HPSE2: variants seen among roughly 807,000 people sequenced by gnomAD.
HPSE2 encodes the protein inactive heparanase-2.
A neutral mutation model predicts 60.5 loss-of-function variants in HPSE2; 38 were observed. The ratio of observed to expected loss-of-function variants is 0.63; its 90% CI spans 0.48 to 0.82. HPSE2 has a LOEUF of 0.82. Among genes scored for constraint, HPSE2 ranks in the 40% least tolerant of loss-of-function variants. The pLI, the probability that HPSE2 is intolerant of heterozygous loss-of-function variation, is 0.00. For synonymous variants in HPSE2, 295 were observed against 293.2 expected (o/e 1.01, Z -0.06); for missense variants, 713 against 740.4 (o/e 0.96, Z 0.43).
At chr10:98,945,003 T>A (rs1955136894) in intron 3 of HPSE2, among the ~76,000 whole-genome samples, 1 of 152,142 alleles carries the variant, frequency 6.6e-6, no homozygotes, top group African/African-American at 2.4e-5. Context: ...TGTTTTGCTG[T>A]CACGCCACAA....
intron 5 of HPSE2, among the ~76,000 whole-genome samples, chr10:98,697,366 A>G (rs1274510846): frequency 6.6e-6 from 1 of 152,242 alleles, no homozygotes; most frequent in African/African-American, 2.4e-5. Context: ...AGTATACACA[A>G]GCATCAACAG....
At chr10:99,268,262 C>A in the HPSE2 span, among the ~76,000 whole-genome samples, 2 of 152,186 alleles carry the variant, frequency 1.3e-5, no homozygotes, top group Non-Finnish European at 2.9e-5. Context: ...GAATTTGCCA[C>A]TACCAACCCA....
intron 5 of HPSE2, among the ~76,000 whole-genome samples, chr10:98,695,414 G>A (rs1948186126): frequency 6.6e-6 from 1 of 152,194 alleles, no homozygotes; most frequent in Non-Finnish European, 1.5e-5. Context: ...GGGAATGATC[G>A]AGGAATAGAA....
chr10:98,544,775 G>C (rs1291140504), intron 9 of HPSE2, among the ~76,000 whole-genome samples: 1 of 145,702 alleles, frequency 6.9e-6, no homozygotes, highest in Admixed American at 6.8e-5. Context: ...ACATTCAAAA[G>C]CTAGCAGAAC....
intron 9 of HPSE2, among the ~76,000 whole-genome samples, chr10:98,609,593 A>C (rs1244932679): frequency 6.6e-6 from 1 of 152,204 alleles, no homozygotes; most frequent in Non-Finnish European, 1.5e-5. Context: ...AATTTTCTAC[A>C]TGTATGTATA....
chr10:98,538,797 A>G (rs1013221198), intron 9 of HPSE2, among the ~76,000 whole-genome samples: 2 of 152,184 alleles, frequency 1.3e-5, no homozygotes, highest in Non-Finnish European at 2.9e-5. Context: ...TCATCTCTAG[A>G]GAACTGCTTG....
intron 2 of HPSE2, among the ~76,000 whole-genome samples, chr10:99,205,354 T>A (rs1294145782): frequency 6.6e-6 from 1 of 152,130 alleles, no homozygotes; most frequent in Non-Finnish European, 1.5e-5. Flanking sequence ...TTTGGGAGGC[T>A]GAGGCGAGTG....
upstream of HPSE2, among the ~76,000 whole-genome samples, chr10:99,238,823 G>A (rs137873800): frequency 3.3e-3 from 505 of 152,200 alleles, 1 homozygote; most frequent in African/African-American, 0.011. Flanking sequence ...TTTTGTCTTA[G>A]ATTGTAACTT....
chr10:98,996,238 T>C (rs575351197), intron 3 of HPSE2, among the ~76,000 whole-genome samples: 1 of 152,252 alleles, frequency 6.6e-6, no homozygotes, highest in East Asian at 1.9e-4. Context: ...TGAGTGAAGG[T>C]TTATGGGAAC....
chr10:98,547,503 T>G (rs565312667), intron 9 of HPSE2, among the ~76,000 whole-genome samples: 2 of 148,244 alleles, frequency 1.3e-5, no homozygotes, highest in South Asian at 4.5e-4. Context: ...ATGTCCTTTG[T>G]AGGGACATGG....
chr10:99,114,436 A>C (rs1844591867), intron 3 of HPSE2, among the ~76,000 whole-genome samples: 1 of 152,218 alleles, frequency 6.6e-6, no homozygotes, highest in African/African-American at 2.4e-5. Flanking sequence ...AATGAATTCA[A>C]AGGACTTCTT....
chr10:99,199,940 G>A (rs993419978), intron 2 of HPSE2, among the ~76,000 whole-genome samples: 1 of 152,100 alleles, frequency 6.6e-6, no homozygotes, highest in Non-Finnish European at 1.5e-5. Context: ...CCATTTATGT[G>A]TGTCTTCTTC....
the HPSE2 span, among the ~76,000 whole-genome samples, chr10:99,285,476 AAGGG>A: frequency 3.7e-3 from 361 of 97,114 alleles, 1 homozygote; most frequent in African/African-American, 9.1e-3. Context: ...GGAAGGAAGG[AAGGG>A]AGGGAGGGAG....
intron 2 of HPSE2, among the ~76,000 whole-genome samples, chr10:99,198,498 T>A (rs1290117255): frequency 6.6e-6 from 1 of 152,212 alleles, no homozygotes; most frequent in East Asian, 1.9e-4. Context: ...TGGACTCCAC[T>A]TTTATAGAGC....
chr10:98,498,344 C>A (rs1184086508), intron 9 of HPSE2, among the ~76,000 whole-genome samples: 1 of 152,140 alleles, frequency 6.6e-6, no homozygotes, highest in Non-Finnish European at 1.5e-5. Context: ...CCCCCAGTAC[C>A]AGCTCGGAAC....
chr10:98,987,096 C>T (rs1956379958), intron 3 of HPSE2, among the ~76,000 whole-genome samples: 1 of 151,798 alleles, frequency 6.6e-6, no homozygotes, highest in African/African-American at 2.4e-5. Context: ...CCTTCTGAAA[C>T]TATTCCGATC....
intron 9 of HPSE2, among the ~76,000 whole-genome samples, chr10:98,504,230 T>A (rs182736377): frequency 6.6e-6 from 1 of 152,318 alleles, no homozygotes; most frequent in Admixed American, 6.5e-5. Flanking sequence ...TTGTCTCAAG[T>A]TTGTCTTCCA....
intron 3 of HPSE2, among the ~76,000 whole-genome samples, chr10:99,113,267 T>C (rs1399213380): frequency 6.6e-6 from 1 of 152,200 alleles, no homozygotes. Context: ...ATCAAGTAGT[T>C]TGCACAAGCT....
At chr10:98,730,700 A>C (rs1404371346) in intron 4 of HPSE2, among the ~76,000 whole-genome samples, 5 of 152,130 alleles carry the variant, frequency 3.3e-5, no homozygotes, top group African/African-American at 1.2e-4. Context: ...AATTTAGAAA[A>C]CTTAAATAAA....
Sources: allele counts gnomAD v4.1 joint callset (sites outside exome capture counted in the v4.1 genomes callset), GRCh38; gene constraint gnomAD v4.1.1; transcripts MANE v1.5; gene names NCBI Gene and HGNC (gene_info 2026-07-23, HGNC 2026-07-21).